LIN54: variants seen among roughly 807,000 people sequenced by gnomAD.
The protein encoded by LIN54 is protein lin-54 homolog.
Under a neutral mutation model 78.7 loss-of-function variants are expected in LIN54, and 9 were observed. The observed-to-expected ratio is 0.11, with a 90% CI of 0.07 to 0.20. The LOEUF (loss-of-function observed/expected upper bound fraction) is 0.20, where lower values mean the gene tolerates loss of function less well. Ranked by LOEUF, LIN54 falls within the 10% of genes least tolerant of loss-of-function variation. LIN54 has a pLI of 1.00. For synonymous variants in LIN54, 269 were observed against 318.4 expected (o/e 0.84, Z 1.65); for missense variants, 573 against 889.9 (o/e 0.64, Z 4.53).
chr4:82,960,943 C>T (rs1724741360), intron 4 of LIN54, among the ~76,000 whole-genome samples: 1 of 152,042 alleles, frequency 6.6e-6, no homozygotes, highest in Non-Finnish European at 1.5e-5. Context: ...GCGTGTATTC[C>T]CAGCTACTCA....
At chr4:82,975,202 A>C (rs1486574811) in intron 3 of LIN54, among the ~76,000 whole-genome samples, 1 of 151,690 alleles carries the variant, frequency 6.6e-6, no homozygotes, top group Non-Finnish European at 1.5e-5. Context: ...TACTAAAAAT[A>C]CAAAAATTAG....
chr4:82,943,990 TC>T (rs1476264917), intron 5 of LIN54, among the ~76,000 whole-genome samples: 5 of 150,274 alleles, frequency 3.3e-5, no homozygotes, highest in Non-Finnish European at 7.4e-5. Flanking sequence ...TGCCTCAGCC[TC>T]CCAAGTAGCT....
chr4:82,943,278 G>A (rs990949162), intron 5 of LIN54, among the ~76,000 whole-genome samples: 10 of 151,940 alleles, frequency 6.6e-5, no homozygotes, highest in Admixed American at 3.3e-4. Flanking sequence ...CTCCCTCACC[G>A]AGATGACAGG....
intron 1 of LIN54, among the ~76,000 whole-genome samples, chr4:83,000,730 G>C (rs1314285868): frequency 6.6e-6 from 1 of 151,278 alleles, no homozygotes; most frequent in Non-Finnish European, 1.5e-5. Flanking sequence ...ACCCCGCTGA[G>C]AGAACATCAT....
chr4:83,004,934 G>A (rs1487656018), intron 1 of LIN54, among the ~76,000 whole-genome samples: 3 of 151,888 alleles, frequency 2.0e-5, no homozygotes, highest in Admixed American at 1.3e-4. Flanking sequence ...TGGCTCTGTC[G>A]CCCAGGCTGG....
At position 82,925,197 on chromosome 4, in the gene LIN54, G is replaced by A. The variant is rs1380814271; in HGVS notation, c.*2905C>T. ...AGAACATTTCACATTAAAAGACAGA[G>A]TAGATTGATTTTCTAGGTATTTTTG... is the stretch of plus-strand genomic sequence containing the variant. On this transcript the variant is annotated 3_prime_UTR_variant, in exon 13 of 13. Coordinates refer to ENST00000340417, the MANE Select transcript of LIN54 (RefSeq NM_194282.4). 3 of 152,464 alleles carry A rather than the reference G, an allele frequency of 2.0e-5. No homozygotes were observed. Among genetic ancestry groups the A allele is most frequent in the Admixed American group, 2.0e-4 (3 of 15,248 alleles). The allele number at this position is 152,464 out of a possible 1,614,324, so 9.4% of individuals were successfully genotyped here. A position where few individuals can be genotyped will look rare whatever the true frequency, so the allele number is the denominator to read the frequency against.
chr4:82,970,595 G>A (rs1725563550), intron 3 of LIN54, 126 bp from the exon 4 acceptor site: 1 of 839,814 alleles, frequency 1.2e-6, no homozygotes, highest in East Asian at 2.7e-5. Flanking sequence ...AACACTTAAT[G>A]AGGCACTAAT....
chr4:82,955,288 T>A (rs1268345825), intron 4 of LIN54, among the ~76,000 whole-genome samples: 1 of 151,890 alleles, frequency 6.6e-6, no homozygotes, highest in African/African-American at 2.4e-5. Flanking sequence ...CACTTGAACC[T>A]GGGAGGTGGA....
At chr4:82,996,970 G>A (rs1311560080) in intron 1 of LIN54, among the ~76,000 whole-genome samples, 1 of 151,910 alleles carries the variant, frequency 6.6e-6, no homozygotes, top group African/African-American at 2.4e-5. Flanking sequence ...TTCCATCACA[G>A]CATCTATCAC....
chr4:82,998,855 TTG>T (rs1485057887), intron 1 of LIN54, among the ~76,000 whole-genome samples: 1 of 152,014 alleles, frequency 6.6e-6, no homozygotes, highest in Non-Finnish European at 1.5e-5. Context: ...TATGTAAACA[TTG>T]TGTTTTATAA....
chr4:82,964,889 T>C (rs868027960), intron 4 of LIN54, among the ~76,000 whole-genome samples: 3 of 151,952 alleles, frequency 2.0e-5, no homozygotes. Context: ...GCATAGCTAC[T>C]GGGGAAGCTG....
chr4:82,937,522 C>G (rs1248750336), intron 8 of LIN54, among the ~76,000 whole-genome samples: 1 of 152,110 alleles, frequency 6.6e-6, no homozygotes, highest in African/African-American at 2.4e-5. Flanking sequence ...ACACTAGGTT[C>G]AAAGGCAAGT....
intron 4 of LIN54, among the ~76,000 whole-genome samples, chr4:82,960,909 A>G (rs1396472565): frequency 3.9e-5 from 6 of 152,090 alleles, no homozygotes; most frequent in Non-Finnish European, 7.3e-5. Flanking sequence ...AAAAATACAA[A>G]TATTAGCTGG....
chr4:82,974,588 T>A (rs1725992395), intron 3 of LIN54, among the ~76,000 whole-genome samples: 1 of 151,670 alleles, frequency 6.6e-6, no homozygotes. Context: ...AATACAAAAA[T>A]TAGCCGGGCG....
At chr4:82,939,852 T>C (rs1374408769) in intron 6 of LIN54, 37 bp downstream of exon 6, 1 of 1,595,850 alleles carries the variant, frequency 6.3e-7, no homozygotes, top group Non-Finnish European at 8.6e-7. Context: ...AATCGTCTAT[T>C]TGGGAAAGAC....
intron 4 of LIN54, among the ~76,000 whole-genome samples, chr4:82,957,594 C>T (rs6831252): frequency 0.98 from 149,180 of 152,298 alleles, 73,142 homozygotes; most frequent in East Asian, 1. Flanking sequence ...TGTGTACTTA[C>T]CTGTTTCAGC....
At position 82,944,901 on chromosome 4, in the gene LIN54, G is replaced by A. The variant is rs148662124; in HGVS notation, c.1168+1357C>T. 2.9e-3 allele frequency: 434 copies of A among 152,014 alleles called. 1 individual carries two copies. Among genetic ancestry groups the A allele is most frequent in the African/African-American group, 9.9e-3 (409 of 41,312 alleles). 9.4% of individuals were successfully genotyped at this position (152,014 alleles called of 1,614,324 possible). On this transcript the variant is annotated intron_variant, in intron 5 of 12. Transcript: ENST00000340417. ...TTTTGAGATGGAGTCTCGCTCTGTC[G>A]CCCAGGCTGGAGTGCAGTGGCGCAA... is the stretch of plus-strand genomic sequence containing the variant.
chr4:82,937,961 T>C (rs1344398552), intron 8 of LIN54, among the ~76,000 whole-genome samples: 2 of 152,044 alleles, frequency 1.3e-5, no homozygotes. Context: ...TGAGACCGCA[T>C]CTCTACAAAA....
In LIN54 at chr4:82,997,994, CAAAA is replaced by C. The variant is rs58344267; in HGVS notation, c.-33+12486_-33+12489del. On this transcript the variant is annotated intron_variant, in intron 1 of 12. Transcript: ENST00000340417. ...GGGCAAGAAGAGTGAAACTCCATCT[CAAAA>C]AAAAAAAATAATAATATATATATAA... is the stretch of plus-strand genomic sequence containing the variant. Among the ~76,000 whole-genome samples the C allele has an allele frequency of 1.2e-4, 13 of 105,248 alleles. No individual in the cohort carries two copies. In the East Asian group the frequency reaches 2.6e-3, roughly 21 times the overall value. The allele number at this position is 105,248 out of a possible 152,430, so 69.0% of individuals were successfully genotyped here. A position where few individuals can be genotyped will look rare whatever the true frequency, so the allele number is the denominator to read the frequency against.
Sources: allele counts gnomAD v4.1 joint callset (sites outside exome capture counted in the v4.1 genomes callset), GRCh38; gene constraint gnomAD v4.1.1; transcripts MANE v1.5; gene names NCBI Gene and HGNC (gene_info 2026-07-23, HGNC 2026-07-21).